Variants in GHR observed in about 807,000 individuals in gnomAD.
GHR encodes GH receptor.
GHR carries 35 observed loss-of-function variants against 67.1 expected under a neutral mutation model. The observed-to-expected ratio is 0.52, with a 90% CI of 0.40 to 0.69. GHR has a LOEUF of 0.69. Among genes scored for constraint, GHR ranks in the 30% least tolerant of loss-of-function variants. The probability of loss-of-function intolerance (pLI) is 0.00; values close to 1 mark genes in which losing one functional copy is unlikely to be tolerated. For missense variants in GHR, 792 were observed against 764.6 expected, an observed-to-expected ratio of 1.04 and a Z score of -0.42; for synonymous variants, 272 against 269.1, an observed-to-expected ratio of 1.01 and a Z score of -0.10.
At chr5:42,674,480 C>T (rs551880758) in intron 3 of GHR, among the ~76,000 whole-genome samples, 1 of 152,210 alleles carries the variant, frequency 6.6e-6, no homozygotes, top group South Asian at 2.1e-4. Context: ...CCTCATGGAA[C>T]CCTGTACCCA....
At chr5:42,475,828 C>T (rs1251509324) in intron 1 of GHR, among the ~76,000 whole-genome samples, 3 of 152,040 alleles carry the variant, frequency 2.0e-5, no homozygotes, top group African/African-American at 7.3e-5. Context: ...TTTCCCCCCT[C>T]TTTAGGGTTC....
intron 1 of GHR, among the ~76,000 whole-genome samples, chr5:42,431,188 A>G (rs1188080559): frequency 6.6e-6 from 1 of 152,194 alleles, no homozygotes; most frequent in African/African-American, 2.4e-5. Context: ...TTTTTAATCA[A>G]TTAAATAAAA....
At chr5:42,713,861 T>C in intron 8 of GHR, 1 of 282,192 alleles carries the variant, frequency 3.5e-6, no homozygotes, top group Non-Finnish European at 6.8e-6. Flanking sequence ...ATTCCAGGAC[T>C]TCAAAGTATC....
intron 2 of GHR, among the ~76,000 whole-genome samples, chr5:42,617,303 C>G (rs905243706): frequency 7.3e-5 from 11 of 151,074 alleles, no homozygotes; most frequent in Admixed American, 5.9e-4. Context: ...TAATAGCAAA[C>G]CAAACTCATT....
At chr5:42,716,055 A>G (rs2111847579) in intron 8 of GHR, among the ~76,000 whole-genome samples, 1 of 152,322 alleles carries the variant, frequency 6.6e-6, no homozygotes, top group Admixed American at 6.5e-5. Context: ...GGAAAAGCAC[A>G]CGTCACAAAG....
At chr5:42,598,608 A>G (rs2112623034) in intron 2 of GHR, among the ~76,000 whole-genome samples, 1 of 152,340 alleles carries the variant, frequency 6.6e-6, no homozygotes, top group East Asian at 1.9e-4. Flanking sequence ...AAAAAGCAAC[A>G]TACCCTCAGC....
chr5:42,708,512 T>G (rs1435490837), intron 6 of GHR, among the ~76,000 whole-genome samples: 2 of 152,172 alleles, frequency 1.3e-5, no homozygotes, highest in East Asian at 3.8e-4. Context: ...ATTTTAAAAT[T>G]TTTTCATTTC....
intron 3 of GHR, among the ~76,000 whole-genome samples, chr5:42,642,485 C>T (rs1474825309): frequency 1.3e-5 from 2 of 152,012 alleles, no homozygotes; most frequent in Non-Finnish European, 2.9e-5. Context: ...GAGTGTAGAC[C>T]ACAGCAAGAA....
At chr5:42,480,469 CT>C (rs1353314536) in intron 1 of GHR, among the ~76,000 whole-genome samples, 7 of 152,094 alleles carry the variant, frequency 4.6e-5, no homozygotes, top group Non-Finnish European at 1.0e-4. Flanking sequence ...GTTGATCTGT[CT>C]AATGTTGACA....
chr5:42,579,005 A>C (rs1750924879), intron 2 of GHR, among the ~76,000 whole-genome samples: 1 of 152,106 alleles, frequency 6.6e-6, no homozygotes, highest in Non-Finnish European at 1.5e-5. Flanking sequence ...GGTCTGTTTT[A>C]GTTCTGTTGA....
intron 6 of GHR, among the ~76,000 whole-genome samples, chr5:42,707,901 C>A (rs748667705): frequency 2.0e-5 from 3 of 151,970 alleles, no homozygotes; most frequent in Non-Finnish European, 4.4e-5. Flanking sequence ...TGTCTTTTAA[C>A]CTTCATTCTA....
chr5:42,697,127 GA>G (rs1057510341), intron 5 of GHR, among the ~76,000 whole-genome samples: 4 of 152,178 alleles, frequency 2.6e-5, no homozygotes, highest in Non-Finnish European at 5.9e-5. Flanking sequence ...AGAGAACAAA[GA>G]ACTAATGTAA....
At chr5:42,575,126 A>G (rs1261053866) in intron 2 of GHR, among the ~76,000 whole-genome samples, 1 of 152,148 alleles carries the variant, frequency 6.6e-6, no homozygotes, top group Non-Finnish European at 1.5e-5. Context: ...AAGAGAGTAA[A>G]GGGAGCTATG....
At chr5:42,465,059 C>T (rs1010336625) in intron 1 of GHR, among the ~76,000 whole-genome samples, 1 of 152,288 alleles carries the variant, frequency 6.6e-6, no homozygotes, top group Middle Eastern at 3.4e-3. Flanking sequence ...AATGATTATT[C>T]TGTAAAGTGC....
At chr5:42,641,540 C>G (rs10036352) in intron 3 of GHR, among the ~76,000 whole-genome samples, 2 of 152,008 alleles carry the variant, frequency 1.3e-5, no homozygotes, top group African/African-American at 4.8e-5. Flanking sequence ...GCTGGCTGGG[C>G]GAACTAGATC....
intron 1 of GHR, among the ~76,000 whole-genome samples, chr5:42,542,786 C>A (rs931958243): frequency 3.9e-5 from 6 of 152,010 alleles, no homozygotes; most frequent in African/African-American, 1.4e-4. Flanking sequence ...CCCTCAGCCA[C>A]CCCTACCCCC....
At position 42,462,698 on chromosome 5, in the gene GHR, G is replaced by A. The variant is rs146759128; in HGVS notation, c.-12+38743G>A. ...ATTTGAAAACAAAATGTGTGTGTGC[G>A]TGTGCTTTTGTGTGTGTGTGTGGAT... is the stretch of plus-strand genomic sequence containing the variant. On this transcript the variant is annotated intron_variant, in intron 1 of 9. Coordinates refer to ENST00000230882, the MANE Select transcript of GHR (RefSeq NM_000163.5). Among the ~76,000 whole-genome samples, 889 of 143,454 alleles carry A rather than the reference G, an allele frequency of 6.2e-3. 8 individuals carry two copies. The highest frequency in any genetic ancestry group is 0.022 in the African/African-American group (813 of 37,712). The allele number at this position is 143,454 out of a possible 152,430, so 94.1% of individuals were successfully genotyped here.
At chr5:42,461,522 A>G (rs1458642912) in intron 1 of GHR, among the ~76,000 whole-genome samples, 1 of 152,036 alleles carries the variant, frequency 6.6e-6, no homozygotes, top group Non-Finnish European at 1.5e-5. Flanking sequence ...CCTGATTGTC[A>G]TTTCTTTGGG....
intron 1 of GHR, among the ~76,000 whole-genome samples, chr5:42,433,333 G>T (rs1332550328): frequency 6.6e-6 from 1 of 151,984 alleles, no homozygotes; most frequent in South Asian, 2.1e-4. Flanking sequence ...AAAACTACTT[G>T]GGAAAATATG....
Sources: gnomAD v4.1 joint callset for allele counts (sites outside exome capture counted in the v4.1 genomes callset) on GRCh38, gnomAD v4.1.1 for gene constraint, MANE v1.5 for transcripts, NCBI Gene and HGNC (gene_info 2026-07-23, HGNC 2026-07-21) for gene names.